The following CIB1 variants were observed in gnomAD, a reference collection of about 807,000 sequenced individuals.
CIB1 encodes the protein calcium and integrin binding 1.
A neutral mutation model predicts 25.0 loss-of-function variants in CIB1; 19 were observed. The ratio of observed to expected loss-of-function variants is 0.76; its 90% CI spans 0.53 to 1.12. CIB1 has a LOEUF of 1.12. CIB1 is among the 50% of genes most tolerant of loss of function. The probability of loss-of-function intolerance (pLI) is 0.00; values close to 1 mark genes in which losing one functional copy is unlikely to be tolerated. For missense variants in CIB1, 236 were observed against 242.6 expected, an observed-to-expected ratio of 0.97 and a Z score of 0.18; for synonymous variants, 104 against 98.5, an observed-to-expected ratio of 1.06 and a Z score of -0.33.
Position 90,231,013 on chromosome 15 carries a change from C to A in CIB1, c.475G>T (p.Glu159Ter). Residue 159 changes from glutamate to a stop codon, truncating the protein, a stop_gained, in exon 6 of 7, where the codon GAG becomes TAG. Transcript: ENST00000328649. LOFTEE classifies it high-confidence loss of function. ...MKQLIDNILE[E>*]SDIDRDGTIN... ...GTTCCATCCCTGTCAATGTCAGACT[C>A]CTCCAGGATCTGGGAAAGGGAGAGT... 6.2e-7 allele frequency: 1 copy of A among 1,614,094 alleles called. No homozygotes were observed.
the CIB1 span, chr15:90,241,439 C>A: frequency 6.2e-7 from 1 of 1,613,376 alleles, no homozygotes; most frequent in South Asian, 1.1e-5. Flanking sequence ...CCCGCCAGCT[C>A]CCCCAGCGCC....
upstream of CIB1, among the ~76,000 whole-genome samples, chr15:90,235,232 G>C (rs1371570268): frequency 6.6e-6 from 1 of 152,126 alleles, no homozygotes; most frequent in Non-Finnish European, 1.5e-5. Flanking sequence ...GCATGTGTTT[G>C]ATAAGACACA....
Position 90,230,197 on chromosome 15 carries a change from GA to G in CIB1, c.*286del, listed in dbSNP as rs1962441421. ...TTCCTAGGATGATTGAAGGCTCTTA[GA>G]AGAGAAGTCCAGTCCTTCCTCATAC... On this transcript the variant is annotated 3_prime_UTR_variant, in exon 7 of 7. Transcript: ENST00000328649. 2.0e-6 allele frequency: 1 copy of G among 495,450 alleles called. No homozygotes were observed. Among genetic ancestry groups the G allele is most frequent in the African/African-American group, 1.9e-5 (1 of 51,398 alleles). The allele number at this position is 495,450 out of a possible 1,614,324, so 30.7% of individuals were successfully genotyped here. A position where few individuals can be genotyped will look rare whatever the true frequency, so the allele number is the denominator to read the frequency against.
the CIB1 span, among the ~76,000 whole-genome samples, chr15:90,248,347 T>C: frequency 2.6e-5 from 4 of 152,294 alleles, no homozygotes; most frequent in South Asian, 8.3e-4. Context: ...AACATGAATA[T>C]GTGGGCAAAG....
Position 90,231,077 on chromosome 15 carries a change from G to T in CIB1, c.465+18C>A. On this transcript the variant is annotated intron_variant, in intron 5 of 6. Transcript: ENST00000328649. The stretch of plus-strand genomic sequence containing the variant: ...CCCAACTGCTCCCTCCCGCTCCCAG[G>T]CCTGCTCAGCTGCTCACGTTGTCGA... 1.9e-6 allele frequency: 3 copies of T among 1,613,298 alleles called. No homozygotes were observed. Among genetic ancestry groups the T allele is most frequent in the Non-Finnish European group, 2.5e-6 (3 of 1,179,224 alleles).
chr15:90,242,431 CTTTTTTTTTTTTTTTTTTTTT>C, the CIB1 span: 1 of 65,510 alleles, frequency 1.5e-5, no homozygotes, highest in African/African-American at 5.8e-5. Context: ...TTTTCTGTTT[CTTTTTTTTTTTTTTTTTTTTT>C]TTTTTTTTTT....
intron 3 of CIB1, among the ~76,000 whole-genome samples, chr15:90,231,981 A>G (rs1962504201): frequency 6.6e-6 from 1 of 152,160 alleles, no homozygotes. Context: ...AAGGGACAAA[A>G]CTTCTTTGAA....
At chr15:90,256,545 TTTTCTTTC>T in the CIB1 span, among the ~76,000 whole-genome samples, 2,814 of 105,200 alleles carry the variant, frequency 0.027, 56 homozygotes, top group African/African-American at 0.035. Context: ...TCTCCTTCCT[TTTTCTTTC>T]TTTCTTTCTT....
Position 90,233,715 on chromosome 15 carries a change from A to G in CIB1, c.52-12T>C, listed in dbSNP as rs751818183. On this transcript the variant is annotated splice_polypyrimidine_tract_variant and intron_variant, in intron 1 of 6. Transcript: ENST00000328649. ...AGGAACGTCAAGTCCTGGAAGGCAA[A>G]GCCAGAGCGGGGATTAGCGGACCGC... 1 of 1,570,102 alleles carries G rather than the reference A, an allele frequency of 6.4e-7. No homozygotes were observed. The highest frequency in any genetic ancestry group is 1.2e-5 in the South Asian group (1 of 85,544).
the CIB1 span, among the ~76,000 whole-genome samples, chr15:90,250,237 A>G: frequency 1.3e-5 from 2 of 152,006 alleles, no homozygotes; most frequent in African/African-American, 2.4e-5. Context: ...GGGCCGATTC[A>G]GCTGTATTTT....
At chr15:90,257,890 T>C in the CIB1 span, 19 of 936,268 alleles carry the variant, frequency 2.0e-5, no homozygotes, top group Non-Finnish European at 2.8e-5. Flanking sequence ...GCCCCAAACC[T>C]CACCCTGATA....
chr15:90,263,535 T>G, the CIB1 span: 1 of 551,664 alleles, frequency 1.8e-6, no homozygotes, highest in Admixed American at 3.2e-5. Context: ...TAAACAGATT[T>G]GGGCCAACAA....
At chr15:90,233,559 C>T in intron 2 of CIB1, 110 bp downstream of exon 2, 2 of 1,367,388 alleles carry the variant, frequency 1.5e-6, no homozygotes, top group Admixed American at 2.0e-5. Flanking sequence ...CTCCAGCTCC[C>T]GCTCCTCTGC....
chr15:90,231,417 T>G lies in CIB1; in HGVS notation c.286A>C (p.Ser96Arg), dbSNP rs764955332. ...LSFEDFLDLLSVFSDTATPDI... is the reference protein window; with the variant it reads ...LSFEDFLDLLRVFSDTATPDI... ...GGCGTGGCTGTGTCACTGAACACACTGAGGAGATCCAGGAAGTCCTCAAAG... is the reference window on the plus strand; with the variant it reads ...GGCGTGGCTGTGTCACTGAACACACGGAGGAGATCCAGGAAGTCCTCAAAG... The change falls in exon 4 of 7, where the codon AGT becomes CGT. Residue 96 changes from serine (S) to arginine (R), a missense_variant. By Grantham distance (110) the Ser-to-Arg change is moderately radical (BLOSUM62 -1). Coordinates refer to ENST00000328649, the MANE Select transcript of CIB1 (RefSeq NM_006384.4). 2 of 1,614,206 alleles carry G rather than the reference T, an allele frequency of 1.2e-6. No individual in the cohort carries two copies. Among genetic ancestry groups the G allele is most frequent in the South Asian group, 2.2e-5 (2 of 91,086 alleles).
Position 90,233,916 on chromosome 15 carries a change from C to G in CIB1, c.-31G>C, listed in dbSNP as rs767606139. On this transcript the variant is annotated 5_prime_UTR_variant, in exon 1 of 7. Coordinates refer to ENST00000328649, the MANE Select transcript of CIB1 (RefSeq NM_006384.4). ...CGCCGCGCGCACAGCTCCGCCAACT[C>G]GCCTCGAGACGCAGACAACTTTCTC... 1 of 1,448,478 alleles carries G rather than the reference C, an allele frequency of 6.9e-7. No homozygotes were observed. 89.7% of individuals were successfully genotyped at this position (1,448,478 alleles called of 1,614,324 possible). A position where few individuals can be genotyped will look rare whatever the true frequency, so the allele number is the denominator to read the frequency against.
the CIB1 span, among the ~76,000 whole-genome samples, chr15:90,256,602 TTTCTTTCCTTCCTTCC>T: frequency 2.0e-3 from 58 of 29,126 alleles, no homozygotes; most frequent in African/African-American, 3.3e-3. Flanking sequence ...TCTTTCTTTC[TTTCTTTCCTTCCTTCC>T]TTCCTTCCTT....
chr15:90,230,978 G>A lies in CIB1; in HGVS notation c.510C>T (p.Leu170=). The change falls in exon 6 of 7, where the codon CTC becomes CTT. Residue 170 remains leucine (L), a synonymous_variant. Transcript: ENST00000328649. ...GGGAGATGACGTGCTGGAACTCAGA[G>A]AGGTTGATGGTTCCATCCCTGTCAA... ...SDIDRDGTIN[L]SEFQHVISRS... The A allele has an allele frequency of 4.3e-6, 7 of 1,614,190 alleles. No homozygotes were observed. Among genetic ancestry groups the A allele is most frequent in the Non-Finnish European group, 5.9e-6 (7 of 1,180,032 alleles).
chr15:90,265,090 C>T, the CIB1 span: 1 of 1,325,484 alleles, frequency 7.5e-7, no homozygotes, highest in Non-Finnish European at 1.0e-6. Context: ...CCCAGGAACC[C>T]CATTTGTATA....
chr15:90,234,268 G>A (rs368235525), upstream of CIB1: 7 of 197,862 alleles, frequency 3.5e-5, no homozygotes, highest in South Asian at 1.2e-3. Flanking sequence ...GGGGAAAGTC[G>A]CGAGGTGCAT....
Sources: allele counts gnomAD v4.1 joint callset (sites outside exome capture counted in the v4.1 genomes callset), GRCh38; gene constraint gnomAD v4.1.1; transcripts MANE v1.5; gene names NCBI Gene and HGNC (gene_info 2026-07-23, HGNC 2026-07-21).